The following PTPN3 variants were observed in gnomAD, a reference collection of about 807,000 sequenced individuals.
The protein encoded by PTPN3 is protein tyrosine phosphatase non-receptor type 3.
In PTPN3, 96 loss-of-function variants were observed where a neutral mutation model predicts 132.7. The observed-to-expected ratio is 0.72, with a 90% CI of 0.61 to 0.86. PTPN3 has a LOEUF of 0.86. PTPN3 is among the 40% of genes least tolerant of loss of function. The pLI is 0.00. For synonymous variants in PTPN3, 398 were observed against 429.0 expected (o/e 0.93, Z 0.89); for missense variants, 1,125 against 1,159.6 (o/e 0.97, Z 0.43).
rs1293697190 is a variant in PTPN3 at position 109,408,790 on chromosome 9, A to ATATATAT, written c.1579-414_1579-413insATATATA. Among the ~76,000 whole-genome samples the ATATATAT allele has an allele frequency of 4.6e-3, 275 of 59,182 alleles. 1 individual carries two copies. The highest frequency in any genetic ancestry group is 0.035 in the South Asian group (59 of 1,690). The allele number at this position is 59,182 out of a possible 152,430, so 38.8% of individuals were successfully genotyped here. ...TAGAACTTATAATAATTAAAAAAAAAAAAAAAATATATATATATATATATA... is the reference window on the plus strand; with the variant it reads ...TAGAACTTATAATAATTAAAAAAAAATATATATAAAAAAATATATATATATATATATA... On this transcript the variant is annotated intron_variant, in intron 16 of 25. Transcript: ENST00000374541.
intron 14 of PTPN3, among the ~76,000 whole-genome samples, chr9:109,416,620 A>AT (rs929001463): frequency 9.6e-4 from 145 of 151,408 alleles, no homozygotes; most frequent in Admixed American, 7.2e-3. Flanking sequence ...TAATTTTTGC[A>AT]TTTTTTTGTA....
chr9:109,520,003 C>CA, the PTPN3 span, among the ~76,000 whole-genome samples: 1 of 151,998 alleles, frequency 6.6e-6, no homozygotes, highest in African/African-American at 2.4e-5. Flanking sequence ...ACTAAAAATA[C>CA]AAAAAATTAG....
intron 15 of PTPN3, 39 bp from the exon 16 acceptor site, chr9:109,410,115 T>C (rs1486796141): frequency 6.2e-7 from 1 of 1,614,120 alleles, no homozygotes. Flanking sequence ...GCATCACATC[T>C]CTCTCCAGCA....
chr9:109,406,389 G>C, intron 18 of PTPN3, 73 bp downstream of exon 18: 1 of 1,497,980 alleles, frequency 6.7e-7, no homozygotes, highest in Non-Finnish European at 9.1e-7. Context: ...TTCAAGAGCA[G>C]ATAAAGGGCT....
At chr9:109,457,629 A>T (rs1845631449) in intron 2 of PTPN3, among the ~76,000 whole-genome samples, 2 of 152,246 alleles carry the variant, frequency 1.3e-5, no homozygotes, top group South Asian at 4.1e-4. Context: ...TAATTGTCTA[A>T]GATTTCTTCC....
At chr9:109,487,003 C>T (rs1292867920) in intron 1 of PTPN3, among the ~76,000 whole-genome samples, 1 of 152,188 alleles carries the variant, frequency 6.6e-6, no homozygotes, top group Non-Finnish European at 1.5e-5. Flanking sequence ...CAATTAAACT[C>T]CTTTTCTTTA....
At chr9:109,478,202 C>T (rs1588492166) in intron 1 of PTPN3, among the ~76,000 whole-genome samples, 1 of 152,214 alleles carries the variant, frequency 6.6e-6, no homozygotes, top group African/African-American at 2.4e-5. Flanking sequence ...CCAGTGGCTA[C>T]AAAGGGCGTG....
rs1564407586 is a variant in PTPN3 at position 109,410,477 on chromosome 9, T to A, written c.1314-62A>T. On this transcript the variant is annotated intron_variant, in intron 14 of 25. Transcript: ENST00000374541. Reference sequence around the variant, plus strand: ...GTTAATATTTTATTAGAGCAAACACTACTGACTGTAGGGGCCTGGCAGCTG... The same window carrying A: ...GTTAATATTTTATTAGAGCAAACACAACTGACTGTAGGGGCCTGGCAGCTG... 25 of 1,544,614 alleles carry A rather than the reference T, an allele frequency of 1.6e-5. No homozygotes were observed. The South Asian group carries it at 2.8e-4, about 17-fold the overall frequency.
Position 109,381,870 on chromosome 9 carries a change from C to T in PTPN3, c.2529-83G>A, listed in dbSNP as rs1390067508. The T allele has an allele frequency of 5.2e-6, 8 of 1,533,038 alleles. No individual in the cohort carries two copies. In the East Asian group the frequency reaches 1.8e-4, roughly 35 times the overall value. 95.0% of individuals were successfully genotyped at this position (1,533,038 alleles called of 1,614,324 possible). A position where few individuals can be genotyped will look rare whatever the true frequency, so the allele number is the denominator to read the frequency against. Reference sequence around the variant, plus strand: ...CCAGCGAGCAGTTCCCCGCTGACTCCAAAGGGGCTTTCCTCCCTTGGCCTT... The same window carrying T: ...CCAGCGAGCAGTTCCCCGCTGACTCTAAAGGGGCTTTCCTCCCTTGGCCTT... On this transcript the variant is annotated intron_variant, in intron 24 of 25. Coordinates refer to ENST00000374541, the MANE Select transcript of PTPN3 (RefSeq NM_002829.4).
intron 24 of PTPN3, 100 bp from the exon 25 acceptor site, chr9:109,381,887 C>T (rs1839129543): frequency 3.5e-6 from 5 of 1,438,294 alleles, no homozygotes; most frequent in Non-Finnish European, 4.8e-6. Context: ...GCTTTCCTCC[C>T]TTGGCCTTCG....
the PTPN3 span, among the ~76,000 whole-genome samples, chr9:109,535,899 A>C: frequency 0.2 from 30,830 of 152,162 alleles, 3,416 homozygotes; most frequent in South Asian, 0.38. Flanking sequence ...TTAACCACTT[A>C]AACAGAACAA....
chr9:109,480,196 C>T (rs931178267), intron 1 of PTPN3, among the ~76,000 whole-genome samples: 2 of 152,152 alleles, frequency 1.3e-5, no homozygotes, highest in Non-Finnish European at 2.9e-5. Flanking sequence ...TGTTGACTTT[C>T]AGGGTCTCGC....
At chr9:109,534,648 A>AC in the PTPN3 span, among the ~76,000 whole-genome samples, 7 of 150,000 alleles carry the variant, frequency 4.7e-5, no homozygotes, top group African/African-American at 1.7e-4. Flanking sequence ...AAAAAAAAAA[A>AC]AAAAATACCT....
Position 109,420,410 on chromosome 9 carries a change from C to T in PTPN3, c.1313+14G>A, listed in dbSNP as rs746137016. 9.5e-6 allele frequency: 15 copies of T among 1,578,946 alleles called. No individual in the cohort carries two copies. In the South Asian group the frequency reaches 1.6e-4, roughly 17 times the overall value. ...AAGCAAATACCCAGAAATAAAACAA[C>T]ACGAGTTTCTTACTCTTGGTGCGGG... On this transcript the variant is annotated intron_variant, in intron 14 of 25. Coordinates refer to ENST00000374541, the MANE Select transcript of PTPN3 (RefSeq NM_002829.4).
intron 1 of PTPN3, among the ~76,000 whole-genome samples, chr9:109,466,947 C>T (rs1564468807): frequency 6.6e-6 from 1 of 151,714 alleles, no homozygotes; most frequent in Non-Finnish European, 1.5e-5. Flanking sequence ...GGTCTCATAT[C>T]ATTATATTTA....
chr9:109,449,770 A>G (rs992727997), intron 5 of PTPN3: 40 of 985,354 alleles, frequency 4.1e-5, no homozygotes, highest in Non-Finnish European at 4.8e-5. Context: ...ACAGGGCAGA[A>G]GTGCACAGGG....
chr9:109,495,262 A>T (rs963977451), intron 1 of PTPN3, among the ~76,000 whole-genome samples: 3 of 152,208 alleles, frequency 2.0e-5, no homozygotes, highest in African/African-American at 7.2e-5. Context: ...GGAAAAGATA[A>T]AGAGGCATTG....
intron 1 of PTPN3, among the ~76,000 whole-genome samples, chr9:109,478,915 G>T (rs910848006): frequency 6.6e-6 from 1 of 152,080 alleles, no homozygotes; most frequent in African/African-American, 2.4e-5. Context: ...CAAACCGGTG[G>T]CTCCTGCCAA....
chr9:109,430,911 C>T (rs1326708892), intron 10 of PTPN3, among the ~76,000 whole-genome samples: 3 of 152,220 alleles, frequency 2.0e-5, no homozygotes, highest in Non-Finnish European at 4.4e-5. Context: ...TACACCCTGC[C>T]ACTTCTCTAG....
Sources: allele counts gnomAD v4.1 joint callset (sites outside exome capture counted in the v4.1 genomes callset), GRCh38; gene constraint gnomAD v4.1.1; transcripts MANE v1.5; gene names NCBI Gene and HGNC (gene_info 2026-07-23, HGNC 2026-07-21).